The following DDX43 variants were observed in gnomAD, a reference collection of about 807,000 sequenced individuals.
The protein encoded by DDX43 is DEAD-box helicase 43, also known as probable ATP-dependent RNA helicase DDX43.
In DDX43, 50 loss-of-function variants were observed where a neutral mutation model predicts 84.9. That is an observed-to-expected ratio of 0.59 (90% CI 0.47 to 0.75). The LOEUF (loss-of-function observed/expected upper bound fraction) is 0.75. Among genes scored for constraint, DDX43 ranks in the 30% least tolerant of loss-of-function variants. DDX43 has a pLI of 0.00. For missense variants in DDX43, 689 were observed against 798.6 expected (o/e 0.86, Z 1.65); for synonymous variants, 291 against 266.3 (o/e 1.09, Z -0.90).
Position 73,397,653 on chromosome 6 carries a change from A to G in DDX43, c.251-36A>G, listed in dbSNP as rs80081188. On this transcript the variant is annotated intron_variant, in intron 1 of 16. Coordinates refer to ENST00000370336, the MANE Select transcript of DDX43 (RefSeq NM_018665.3). ...GTAAATTTTCAACTTACTAATTTCA[A>G]CTTATAACAATATATTCCTTTATTT... 3,314 of 1,539,466 alleles carry G rather than the reference A, an allele frequency of 2.2e-3. 4 individuals are homozygous for G. Among genetic ancestry groups the G allele is most frequent in the Non-Finnish European group, 2.4e-3 (2,654 of 1,114,390 alleles).
intron 10 of DDX43, among the ~76,000 whole-genome samples, chr6:73,411,945 G>T (rs991087914): frequency 6.6e-6 from 1 of 151,864 alleles, no homozygotes; most frequent in Non-Finnish European, 1.5e-5. Flanking sequence ...TGATCCACCC[G>T]CCTTGGCCTC....
In DDX43 at chr6:73,416,190, G is replaced by A. The variant is rs1171235613; in HGVS notation, c.1911G>A (p.Met637Ile). The A allele has an allele frequency of 2.5e-6, 4 of 1,598,452 alleles. No individual in the cohort carries two copies. The highest frequency in any genetic ancestry group is 3.4e-6 in the Non-Finnish European group (4 of 1,165,852). Residue 637 changes from methionine (M) to isoleucine (I), a missense_variant, in exon 16 of 17, where the codon ATG becomes ATA. Physicochemically the swap from Met to Ile is conservative, Grantham distance 10. Transcript: ENST00000370336. The stretch of plus-strand genomic sequence containing the variant: ...AGAAAAGGGAAATGGAAAGAAAAAT[G>A]GAAAGACCTCAAGGAAGGCCCAAGA... ...HQQKREMERKMERPQGRPKKF... is the reference protein window; with the variant it reads ...HQQKREMERKIERPQGRPKKF...
At position 73,412,726 on chromosome 6, in the gene DDX43, AGC is replaced by A. The variant is rs1168095502; in HGVS notation, c.1368+436_1368+437del. Among the ~76,000 whole-genome samples the A allele has an allele frequency of 2.9e-3, 221 of 75,508 alleles. 3 individuals carry two copies. Among genetic ancestry groups the A allele is most frequent in the African/African-American group, 8.8e-3 (207 of 23,416 alleles). The allele number at this position is 75,508 out of a possible 152,430, so 49.5% of individuals were successfully genotyped here. ...GCGCACGCATGTGCAAGTGATATATAGCGTGTGTGTGTGTGTGTGTGTGTGTC... is the reference window on the plus strand; with the variant it reads ...GCGCACGCATGTGCAAGTGATATATAGTGTGTGTGTGTGTGTGTGTGTGTC... On this transcript the variant is annotated intron_variant, in intron 11 of 16. Coordinates refer to ENST00000370336, the MANE Select transcript of DDX43 (RefSeq NM_018665.3).
Position 73,416,178 on chromosome 6 carries a change from G to C in DDX43, c.1899G>C (p.Met633Ile). 2 of 1,599,138 alleles carry C rather than the reference G, an allele frequency of 1.3e-6. No homozygotes were observed. Among genetic ancestry groups the C allele is most frequent in the Non-Finnish European group, 1.7e-6 (2 of 1,166,316 alleles). ...RFKAHQQKRE[M>I]ERKMERPQGR... ...AGGCACATCAACAGAAAAGGGAAAT[G>C]GAAAGAAAAATGGAAAGACCTCAAG... Residue 633 changes from methionine to isoleucine, a missense_variant, in exon 16 of 17, where the codon ATG (methionine) becomes ATC (isoleucine). Physicochemically the swap from Met to Ile is conservative, Grantham distance 10. This residue lies in a region of DDX43 where 552 missense variants were observed against 692.7 expected (regional missense o/e 0.80). Transcript: ENST00000370336.
intron 14 of DDX43, among the ~76,000 whole-genome samples, chr6:73,414,922 C>T (rs113205821): frequency 0.011 from 1,724 of 152,144 alleles, 38 homozygotes; most frequent in African/African-American, 0.039. Flanking sequence ...CTAGTGTCAC[C>T]GCTGAGCTCT....
chr6:73,402,474 T>A (rs1769596299), intron 4 of DDX43, among the ~76,000 whole-genome samples: 1 of 152,242 alleles, frequency 6.6e-6, no homozygotes, highest in South Asian at 2.1e-4. Flanking sequence ...GATCTCACTA[T>A]CCTGTCCAGG....
rs778123871 is a variant in DDX43 at position 73,409,268 on chromosome 6, G to A, written c.1200G>A (p.Lys400=). The A allele has an allele frequency of 4.3e-6, 7 of 1,614,140 alleles. No homozygotes were observed. Among genetic ancestry groups the A allele is most frequent in the Non-Finnish European group, 5.9e-6 (7 of 1,179,988 alleles). The change falls in exon 10 of 17, where the codon AAG becomes AAA. Residue 400 remains lysine, a synonymous_variant. Coordinates refer to ENST00000370336, the MANE Select transcript of DDX43 (RefSeq NM_018665.3). The part of the protein sequence containing the change: ...ITYLVLDEAD[K]MLDMGFEPQI... ...TGCAGGTTTTAGATGAAGCAGACAA[G>A]ATGTTGGACATGGGATTTGAACCCC...
At position 73,406,481 on chromosome 6, in the gene DDX43, A is replaced by G. The variant is rs959965212; in HGVS notation, c.925A>G (p.Ser309Gly). ...PGFIHLVLQPSLKGQRNRPGM... is the reference protein window; with the variant it reads ...PGFIHLVLQPGLKGQRNRPGM... ...ATTTATTCATCTGGTCCTTCAACCCAGGTAAGAATTCCTATGGCTGGTTTC... is the reference window on the plus strand; with the variant it reads ...ATTTATTCATCTGGTCCTTCAACCCGGGTAAGAATTCCTATGGCTGGTTTC... Residue 309 changes from serine to glycine, a missense_variant and splice_region_variant, in exon 7 of 17, where the codon AGC becomes GGC. Ser to Gly is a moderately conservative substitution (Grantham distance 56). Around this residue, in one of 2 missense-constraint regions of DDX43, gnomAD observed 552 missense variants for 692.7 expected, o/e 0.80. Transcript: ENST00000370336. 1.4e-5 allele frequency: 23 copies of G among 1,586,998 alleles called. No individual in the cohort carries two copies. Among genetic ancestry groups the G allele is most frequent in the Non-Finnish European group, 1.8e-5 (21 of 1,156,316 alleles).
chr6:73,412,383 AT>A, intron 11 of DDX43, 91 bp downstream of exon 11: 1 of 909,688 alleles, frequency 1.1e-6, no homozygotes, highest in Non-Finnish European at 1.7e-6. Context: ...CCACTCCCCA[AT>A]TTTAGGGCAA....
intron 1 of DDX43, among the ~76,000 whole-genome samples, chr6:73,396,011 A>G (rs1427036720): frequency 6.7e-6 from 1 of 148,676 alleles, no homozygotes; most frequent in Non-Finnish European, 1.5e-5. Flanking sequence ...CCCCAGCTGG[A>G]GTGCAGTGTG....
chr6:73,412,576 C>T (rs1291126632), intron 11 of DDX43, among the ~76,000 whole-genome samples: 1 of 148,068 alleles, frequency 6.8e-6, no homozygotes, highest in Non-Finnish European at 1.5e-5. Flanking sequence ...GGCTGGAGTG[C>T]AGTGGGGTGA....
Position 73,416,145 on chromosome 6 carries a change from G to C in DDX43, c.1866G>C (p.Glu622Asp), listed in dbSNP as rs1281108190. The part of the protein sequence containing the change: ...SIPEELVSMA[E>D]RFKAHQQKRE... ...CAGAGGAGCTTGTATCAATGGCTGA[G>C]AGGTTTAAGGCACATCAACAGAAAA... is the stretch of plus-strand genomic sequence containing the variant. The change falls in exon 16 of 17, where the codon GAG (glutamate) becomes GAC (aspartate). Residue 622 changes from glutamate (E) to aspartate (D), a missense_variant. Coordinates refer to ENST00000370336, the MANE Select transcript of DDX43 (RefSeq NM_018665.3). 1 of 1,584,196 alleles carries C rather than the reference G, an allele frequency of 6.3e-7. No homozygotes were observed. The highest frequency in any genetic ancestry group is 1.1e-5 in the South Asian group (1 of 90,418).
At chr6:73,414,134 C>A in intron 13 of DDX43, 55 bp downstream of exon 13, 4 of 1,087,836 alleles carry the variant, frequency 3.7e-6, no homozygotes, top group Admixed American at 1.9e-5. Flanking sequence ...AATACCTGGG[C>A]TTGGCTGAGT....
chr6:73,413,892 T>C, intron 12 of DDX43, 78 bp from the exon 13 acceptor site: 5 of 1,522,756 alleles, frequency 3.3e-6, no homozygotes, highest in East Asian at 2.3e-5. Context: ...TATGTTACTT[T>C]AGATTTTTGC....
At chr6:73,411,270 A>T (rs940421384) in intron 10 of DDX43, among the ~76,000 whole-genome samples, 1 of 151,346 alleles carries the variant, frequency 6.6e-6, no homozygotes, top group Non-Finnish European at 1.5e-5. Context: ...TGTCGTTTAT[A>T]AAGGCCAGGA....
Position 73,397,740 on chromosome 6 carries a change from T to A in DDX43, c.302T>A (p.Ile101Asn), listed in dbSNP as rs1769500253. The change falls in exon 2 of 17, where the codon ATC (isoleucine) becomes AAC (asparagine). Residue 101 changes from isoleucine (I) to asparagine (N), a missense_variant. Coordinates refer to ENST00000370336, the MANE Select transcript of DDX43 (RefSeq NM_018665.3). ...KNIQSTTNTTIQIIQEQPESL... is the reference protein window; with the variant it reads ...KNIQSTTNTTNQIIQEQPESL... ...ATACAAAGTACAACAAACACCACAA[T>A]CCAAGTAAGCCATCTGTGTTTTTCG... 6.2e-7 allele frequency: 1 copy of A among 1,613,596 alleles called. No individual in the cohort carries two copies. Among genetic ancestry groups the A allele is most frequent in the African/African-American group, 1.3e-5 (1 of 74,898 alleles).
At chr6:73,402,874 C>G (rs556414631) in intron 4 of DDX43, among the ~76,000 whole-genome samples, 18 of 152,250 alleles carry the variant, frequency 1.2e-4, no homozygotes, top group African/African-American at 4.1e-4. Context: ...CCACCCCACC[C>G]AGCCCTTTTG....
chr6:73,396,268 A>G (rs1769469150), intron 1 of DDX43, among the ~76,000 whole-genome samples: 1 of 152,218 alleles, frequency 6.6e-6, no homozygotes, highest in Non-Finnish European at 1.5e-5. Flanking sequence ...TTTGAAAAGC[A>G]TTTAAAAATG....
chr6:73,412,086 T>C, intron 10 of DDX43, 119 bp from the exon 11 acceptor site: 1 of 750,058 alleles, frequency 1.3e-6, no homozygotes, highest in South Asian at 1.8e-5. Flanking sequence ...TTTGCCTTAC[T>C]TATTGAAAAA....
Sources: allele counts gnomAD v4.1 joint callset (sites outside exome capture counted in the v4.1 genomes callset), GRCh38; gene constraint gnomAD v4.1.1; regional missense constraint gnomAD v4.1.1; transcripts MANE v1.5; gene names NCBI Gene and HGNC (gene_info 2026-07-23, HGNC 2026-07-21).